RANBP2: variants seen among roughly 807,000 people sequenced by gnomAD.
RANBP2 encodes E3 SUMO-protein ligase RanBP2.
Under a neutral mutation model 303.6 loss-of-function variants are expected in RANBP2, and 57 were observed. That is an observed-to-expected ratio of 0.19 (90% CI 0.15 to 0.23). RANBP2 has a LOEUF of 0.23. Among genes scored for constraint, RANBP2 ranks in the 10% least tolerant of loss-of-function variants. The pLI, the probability that RANBP2 is intolerant of heterozygous loss-of-function variation, is 1.00. For missense variants in RANBP2, 3,138 were observed against 3,780.8 expected (o/e 0.83, Z 4.46); for synonymous variants, 1,167 against 1,301.5 (o/e 0.90, Z 2.23).
chr2:109,739,882 G>A, the RANBP2 span, among the ~76,000 whole-genome samples: 1 of 147,818 alleles, frequency 6.8e-6, no homozygotes, highest in Non-Finnish European at 1.5e-5. Flanking sequence ...TTATTACCTT[G>A]AGGTATGTTT....
At chr2:109,066,252 G>T in the RANBP2 span, among the ~76,000 whole-genome samples, 1 of 152,092 alleles carries the variant, frequency 6.6e-6, no homozygotes, top group Non-Finnish European at 1.5e-5. Context: ...AGAATTACAG[G>T]TGTTTGCCAC....
At chr2:109,681,145 C>T in the RANBP2 span, among the ~76,000 whole-genome samples, 3 of 152,136 alleles carry the variant, frequency 2.0e-5, no homozygotes, top group East Asian at 1.9e-4. Context: ...CATGAACACA[C>T]GGTTAGGTGG....
chr2:109,663,531 C>T, the RANBP2 span, among the ~76,000 whole-genome samples: 1 of 152,166 alleles, frequency 6.6e-6, no homozygotes, highest in East Asian at 1.9e-4. Flanking sequence ...TTGCATAGAG[C>T]AAGTGTCTCA....
chr2:109,525,924 A>G, the RANBP2 span, among the ~76,000 whole-genome samples: 3 of 152,056 alleles, frequency 2.0e-5, no homozygotes, highest in Admixed American at 6.5e-5. Context: ...TGCTATTGCT[A>G]ATTTTCCCAG....
At chr2:108,777,838 T>G (rs911557282) in intron 25 of RANBP2, among the ~76,000 whole-genome samples, 5 of 152,170 alleles carry the variant, frequency 3.3e-5, no homozygotes, top group African/African-American at 9.7e-5. Flanking sequence ...TAGCACCCCT[T>G]AAATAGTTCT....
At chr2:108,807,758 C>T in the RANBP2 span, among the ~76,000 whole-genome samples, 5 of 152,146 alleles carry the variant, frequency 3.3e-5, no homozygotes, top group Admixed American at 3.3e-4. Context: ...TCTGGGATTA[C>T]AGGCGCCCAC....
the RANBP2 span, among the ~76,000 whole-genome samples, chr2:109,479,729 G>A: frequency 1.3e-5 from 2 of 152,170 alleles, no homozygotes; most frequent in Admixed American, 6.5e-5. Context: ...AGGAGGGAAT[G>A]AACCCCCTTG....
At chr2:109,699,529 G>A in the RANBP2 span, among the ~76,000 whole-genome samples, 2 of 152,200 alleles carry the variant, frequency 1.3e-5, no homozygotes, top group African/African-American at 4.8e-5. Context: ...AATAGAGTAA[G>A]CTAGAGAAAA....
At chr2:109,736,876 C>G in the RANBP2 span, among the ~76,000 whole-genome samples, 6 of 152,042 alleles carry the variant, frequency 3.9e-5, no homozygotes, top group Admixed American at 6.6e-5. Context: ...TCCACACCCT[C>G]AAGTGCCTGC....
the RANBP2 span, among the ~76,000 whole-genome samples, chr2:109,629,071 G>A: frequency 6.6e-6 from 1 of 151,454 alleles, no homozygotes; most frequent in South Asian, 2.1e-4. Flanking sequence ...GCCTGGTGGT[G>A]GATGCCTGTA....
chr2:109,246,923 A>G, the RANBP2 span, among the ~76,000 whole-genome samples: 1 of 152,212 alleles, frequency 6.6e-6, no homozygotes, highest in African/African-American at 2.4e-5. Context: ...CTCCAGGCCA[A>G]TGCTGCAGCT....
the RANBP2 span, among the ~76,000 whole-genome samples, chr2:108,966,278 A>G: frequency 6.6e-6 from 1 of 152,232 alleles, no homozygotes; most frequent in Non-Finnish European, 1.5e-5. Context: ...TCTATTATCA[A>G]TATTTTAAAG....
the RANBP2 span, chr2:108,906,228 A>G: frequency 6.8e-7 from 1 of 1,474,962 alleles, no homozygotes; most frequent in Admixed American, 1.7e-5. Flanking sequence ...TTCCCCTCAC[A>G]GGAGCCTCAG....
At chr2:109,195,415 C>T in the RANBP2 span, among the ~76,000 whole-genome samples, 1 of 152,250 alleles carries the variant, frequency 6.6e-6, no homozygotes. Flanking sequence ...CCTGCGGACA[C>T]CAGCGTCTGC....
At chr2:109,626,949 G>A in the RANBP2 span, among the ~76,000 whole-genome samples, 5 of 152,290 alleles carry the variant, frequency 3.3e-5, no homozygotes, top group East Asian at 9.6e-4. Flanking sequence ...CGGCTGGGTG[G>A]TGTGTGCTCA....
chr2:109,030,657 C>T, the RANBP2 span, among the ~76,000 whole-genome samples: 1 of 152,170 alleles, frequency 6.6e-6, no homozygotes, highest in Admixed American at 6.5e-5. Flanking sequence ...TACCTAGGAC[C>T]AGCTTGGGGC....
At chr2:109,488,989 C>T in the RANBP2 span, among the ~76,000 whole-genome samples, 14 of 152,202 alleles carry the variant, frequency 9.2e-5, no homozygotes, top group Admixed American at 7.2e-4. Flanking sequence ...TCCCCATGGA[C>T]TGTCAGTACA....
At chr2:109,717,957 A>G in the RANBP2 span, among the ~76,000 whole-genome samples, 3 of 152,224 alleles carry the variant, frequency 2.0e-5, no homozygotes, top group African/African-American at 7.2e-5. Flanking sequence ...CATTTGTGAT[A>G]ACATTAAAAG....
At chr2:109,548,453 G>A in the RANBP2 span, among the ~76,000 whole-genome samples, 2 of 152,090 alleles carry the variant, frequency 1.3e-5, no homozygotes, top group African/African-American at 4.8e-5. Context: ...GGCTCACGGA[G>A]GTTTACACGC....
Sources: gnomAD v4.1 joint callset for allele counts (sites outside exome capture counted in the v4.1 genomes callset) on GRCh38, gnomAD v4.1.1 for gene constraint, MANE v1.5 for transcripts, NCBI Gene and HGNC (gene_info 2026-07-23, HGNC 2026-07-21) for gene names.